Variants in ZNF564 observed in about 807,000 individuals in gnomAD.
ZNF564 encodes zinc finger protein 564.
In ZNF564, 5 loss-of-function variants were observed where a neutral mutation model predicts 10.5. The ratio of observed to expected loss-of-function variants is 0.48; its 90% confidence interval spans 0.25 to 1.00. The LOEUF (loss-of-function observed/expected upper bound fraction) is 1.00. ZNF564 is among the 50% of genes least tolerant of loss of function. The pLI is 0.16. For missense variants in ZNF564, 603 were observed against 669.7 expected, an observed-to-expected ratio of 0.90 and a Z score of 1.10; for synonymous variants, 242 against 218.1, an observed-to-expected ratio of 1.11 and a Z score of -0.97.
intron 1 of ZNF564, among the ~76,000 whole-genome samples, chr19:12,542,466 T>C (rs1420447963): frequency 6.7e-6 from 1 of 149,708 alleles, no homozygotes; most frequent in Admixed American, 6.7e-5. Flanking sequence ...CAACCAAAAT[T>C]AAAAATTAGC....
chr19:12,539,251 A>AG (rs1599283199), intron 1 of ZNF564, among the ~76,000 whole-genome samples: 1 of 149,646 alleles, frequency 6.7e-6, no homozygotes, highest in Admixed American at 6.7e-5. Context: ...AAAAAAAAAA[A>AG]AAAAAAAATA....
chr19:12,532,635 T>C (rs1001699649), intron 1 of ZNF564, among the ~76,000 whole-genome samples: 9 of 151,236 alleles, frequency 6.0e-5, no homozygotes, highest in Non-Finnish European at 1.2e-4. Flanking sequence ...GGCAGGTAGA[T>C]TGCTGCAGCC....
chr19:12,530,589 TGG>T (rs1383160602), intron 1 of ZNF564, among the ~76,000 whole-genome samples: 6 of 152,136 alleles, frequency 3.9e-5, no homozygotes, highest in African/African-American at 9.7e-5. Flanking sequence ...CAAGTCCAGA[TGG>T]TTTGATGGTG....
At chr19:12,541,492 G>A (rs919764547) in intron 1 of ZNF564, 1 of 151,674 alleles carries the variant, frequency 6.6e-6, no homozygotes, top group Admixed American at 6.6e-5. Context: ...GGAAGTTACA[G>A]TGAGCCAAAA....
Position 12,551,344 on chromosome 19 carries a change from C to T in ZNF564, c.-12G>A. ...CGCACACGCACCATTTCCTGGCTTC[C>T]AGGGTGTCCCGGGGTCCTGCCTACG... is the stretch of plus-strand genomic sequence containing the variant. On this transcript the variant is annotated 5_prime_UTR_variant, in exon 1 of 4. Coordinates refer to ENST00000339282, the MANE Select transcript of ZNF564 (RefSeq NM_144976.4). 2 of 1,605,458 alleles carry T rather than the reference C, an allele frequency of 1.2e-6. No individual in the cohort carries two copies. Among genetic ancestry groups the T allele is most frequent in the Non-Finnish European group, 8.5e-7 (1 of 1,176,248 alleles).
intron 1 of ZNF564, among the ~76,000 whole-genome samples, chr19:12,542,857 G>C (rs1304626348): frequency 6.6e-6 from 1 of 151,014 alleles, no homozygotes; most frequent in Admixed American, 6.6e-5. Flanking sequence ...TACAAAATTA[G>C]CAGGGCATGG....
chr19:12,542,962 G>A (rs1489817194), intron 1 of ZNF564, among the ~76,000 whole-genome samples: 2 of 150,932 alleles, frequency 1.3e-5, no homozygotes, highest in Non-Finnish European at 2.9e-5. Context: ...AGATCATGCC[G>A]TTGCACTCTG....
intron 1 of ZNF564, among the ~76,000 whole-genome samples, chr19:12,539,386 A>T (rs1318047588): frequency 6.6e-6 from 1 of 151,066 alleles, no homozygotes; most frequent in African/African-American, 2.4e-5. Context: ...CTGGCTGGGC[A>T]CAGTGGCTCA....
At chr19:12,542,986 G>A (rs2022085941) in intron 1 of ZNF564, among the ~76,000 whole-genome samples, 1 of 150,150 alleles carries the variant, frequency 6.7e-6, no homozygotes, top group African/African-American at 2.5e-5. Flanking sequence ...TGGGCAATAA[G>A]AGAGAAACTC....
intron 1 of ZNF564, among the ~76,000 whole-genome samples, chr19:12,550,916 C>G (rs532659170): frequency 6.6e-6 from 1 of 152,298 alleles, no homozygotes; most frequent in East Asian, 1.9e-4. Context: ...GTTTGGAAGA[C>G]TCGGAGGAAG....
At chr19:12,546,999 A>C (rs1466087760) in intron 1 of ZNF564, among the ~76,000 whole-genome samples, 3 of 152,120 alleles carry the variant, frequency 2.0e-5, no homozygotes, top group African/African-American at 7.2e-5. Flanking sequence ...CCGATTTTGC[A>C]CTTTCCACTC....
At chr19:12,551,204 G>T (rs553229054) in intron 1 of ZNF564, 126 bp downstream of exon 1, 2 of 1,126,904 alleles carry the variant, frequency 1.8e-6, no homozygotes, top group African/African-American at 1.5e-5. Context: ...GCCGAGCTGC[G>T]CCAGGGAACT....
intron 1 of ZNF564, among the ~76,000 whole-genome samples, chr19:12,531,551 G>A (rs1394098362): frequency 6.6e-6 from 1 of 151,210 alleles, no homozygotes; most frequent in Non-Finnish European, 1.5e-5. Context: ...TGGGTGGCAA[G>A]ACTCTGTCTC....
At chr19:12,535,874 G>A (rs1045697408) in intron 1 of ZNF564, among the ~76,000 whole-genome samples, 10 of 151,878 alleles carry the variant, frequency 6.6e-5, no homozygotes, top group Admixed American at 4.6e-4. Flanking sequence ...TTAGCTGGGC[G>A]GAGTGGTGCG....
chr19:12,549,256 A>C (rs982199548), intron 1 of ZNF564, among the ~76,000 whole-genome samples: 3 of 152,206 alleles, frequency 2.0e-5, no homozygotes, highest in Non-Finnish European at 4.4e-5. Flanking sequence ...AAACAGGATC[A>C]AATAAGCAAA....
In ZNF564 at chr19:12,526,926, T is replaced by TAAA; in HGVS notation, c.1181_1182insTTT (p.Lys394delinsAsnLeu). 2 of 1,614,146 alleles carry TAAA rather than the reference T, an allele frequency of 1.2e-6. No homozygotes were observed. The highest frequency in any genetic ancestry group is 2.2e-5 in the South Asian group (2 of 91,084). ...CAAAGGCTCTACCACATACCTGACATTTATAAGGTCCATCTCCAGTGTGCT... is the reference window on the plus strand; with the variant it reads ...CAAAGGCTCTACCACATACCTGACATAAATTATAAGGTCCATCTCCAGTGTGCT... On this transcript the variant is annotated protein_altering_variant, in exon 4 of 4. Transcript: ENST00000339282.
chr19:12,547,874 C>T (rs550751930), intron 1 of ZNF564, among the ~76,000 whole-genome samples: 1 of 151,660 alleles, frequency 6.6e-6, no homozygotes, highest in African/African-American at 2.4e-5. Context: ...TGCAGTGGCA[C>T]GATCTCGGCT....
chr19:12,541,772 T>C (rs1226020104), intron 1 of ZNF564, among the ~76,000 whole-genome samples: 2 of 151,788 alleles, frequency 1.3e-5, no homozygotes, highest in South Asian at 2.1e-4. Flanking sequence ...TCCCAGCACT[T>C]TGGGAGGCCG....
At chr19:12,550,490 T>A (rs1194565123) in intron 1 of ZNF564, 1 of 282,910 alleles carries the variant, frequency 3.5e-6, no homozygotes, top group African/African-American at 2.3e-5. Flanking sequence ...ACCCAGTTTC[T>A]ACCAAAAATA....
Sources: allele counts gnomAD v4.1 joint callset (sites outside exome capture counted in the v4.1 genomes callset), GRCh38; gene constraint gnomAD v4.1.1; transcripts MANE v1.5; gene names NCBI Gene and HGNC (gene_info 2026-07-23, HGNC 2026-07-21).